Variants in ITGB4 observed in about 807,000 individuals in gnomAD.
ITGB4 encodes integrin subunit beta 4.
ITGB4 carries 159 observed loss-of-function variants against 207.6 expected under a neutral mutation model. The ratio of observed to expected loss-of-function variants is 0.77; its 90% CI spans 0.67 to 0.87. The LOEUF is 0.87. Among genes scored for constraint, ITGB4 ranks in the 40% least tolerant of loss-of-function variants. The pLI is 0.00. For synonymous variants in ITGB4, 1,020 were observed against 1,062.7 expected, an observed-to-expected ratio of 0.96 and a Z score of 0.78; for missense variants, 2,278 against 2,546.8, an observed-to-expected ratio of 0.89 and a Z score of 2.27.
Position 75,724,742 on chromosome 17 carries a change from C to G in ITGB4, c.39C>G (p.Leu13=). 1.2e-6 allele frequency: 2 copies of G among 1,613,778 alleles called. No individual in the cohort carries two copies. Among genetic ancestry groups the G allele is most frequent in the Non-Finnish European group, 1.7e-6 (2 of 1,180,010 alleles). Residue 13 remains leucine (L), a synonymous_variant, in exon 2 of 40, where the codon CTC becomes CTG. Coordinates refer to ENST00000200181, the MANE Select transcript of ITGB4 (RefSeq NM_000213.5). ...GCCCCAGCCCATGGGCCAGGCTGCTCCTGGCAGCCTTGATCAGCGTCAGCC... is the reference window on the plus strand; with the variant it reads ...GCCCCAGCCCATGGGCCAGGCTGCTGCTGGCAGCCTTGATCAGCGTCAGCC... ...GPRPSPWARL[L]LAALISVSLS...
At chr17:75,728,005 G>A in intron 5 of ITGB4, 150 bp downstream of exon 5, 2 of 750,886 alleles carry the variant, frequency 2.7e-6, no homozygotes, top group South Asian at 1.7e-5. Flanking sequence ...ATTCTCAAGG[G>A]AAGAATCTCG....
intron 32 of ITGB4, 34 bp downstream of exon 32, chr17:75,752,611 T>TG: frequency 6.2e-7 from 1 of 1,612,138 alleles, no homozygotes; most frequent in Middle Eastern, 1.7e-4. Context: ...AAGAGGACAG[T>TG]GGGGGTCTTG....
At position 75,757,668 on chromosome 17, in the gene ITGB4, G is replaced by A. The variant is rs2061553251; in HGVS notation, c.*113G>A. On this transcript the variant is annotated 3_prime_UTR_variant, in exon 40 of 40. Coordinates refer to ENST00000200181, the MANE Select transcript of ITGB4 (RefSeq NM_000213.5). ...CCCTGGGGGCCCAGCCCACCCGCAT[G>A]CACAGAGCAGGGGCTAGGTGTCTCC... is the stretch of plus-strand genomic sequence containing the variant. The A allele has an allele frequency of 2.1e-6, 3 of 1,433,216 alleles. No homozygotes were observed. Among genetic ancestry groups the A allele is most frequent in the Non-Finnish European group, 2.9e-6 (3 of 1,022,340 alleles). 88.8% of individuals were successfully genotyped at this position (1,433,216 alleles called of 1,614,324 possible). A position where few individuals can be genotyped will look rare whatever the true frequency, so the allele number is the denominator to read the frequency against.
intron 26 of ITGB4, among the ~76,000 whole-genome samples, chr17:75,745,406 A>G (rs9896283): frequency 0.096 from 14,638 of 151,904 alleles, 782 homozygotes; most frequent in Non-Finnish European, 0.11. Context: ...AAATAATAAT[A>G]ATTAATTTTT....
chr17:75,736,863 C>G (rs570647444), intron 16 of ITGB4, among the ~76,000 whole-genome samples, 169 bp downstream of exon 16: 1 of 151,890 alleles, frequency 6.6e-6, no homozygotes, highest in Non-Finnish European at 1.5e-5. Context: ...TAGAGGACAC[C>G]GAATCCCAGA....
chr17:75,740,232 G>A lies in ITGB4; in HGVS notation c.2447-126G>A. ...ATGGTGCTATGAACCTCATGCCTCG[G>A]TGTGCGTGGCCTGCTGGCCAGGCAT... On this transcript the variant is annotated intron_variant, in intron 20 of 39. Coordinates refer to ENST00000200181, the MANE Select transcript of ITGB4 (RefSeq NM_000213.5). This position sits in a 1 kb window ranked among gnomAD's most constrained non-coding sequence, Gnocchi z 5.9. The A allele has an allele frequency of 8.3e-7, 1 of 1,211,742 alleles. No individual in the cohort carries two copies. The highest frequency in any genetic ancestry group is 1.2e-6 in the Non-Finnish European group (1 of 847,228). 75.1% of individuals were successfully genotyped at this position (1,211,742 alleles called of 1,614,324 possible). A position where few individuals can be genotyped will look rare whatever the true frequency, so the allele number is the denominator to read the frequency against.
chr17:75,748,278 C>T (rs993032280), intron 26 of ITGB4, among the ~76,000 whole-genome samples: 2 of 151,154 alleles, frequency 1.3e-5, no homozygotes. Context: ...GGAAGGATGG[C>T]CTGAGCCCAG....
At chr17:75,752,124 G>A (rs1202103363) in intron 30 of ITGB4, 50 bp from the exon 31 acceptor site, 3 of 1,588,616 alleles carry the variant, frequency 1.9e-6, no homozygotes, top group Non-Finnish European at 8.6e-7. Context: ...GGTGGTGTTG[G>A]GACCAGGCTG....
At chr17:75,754,845 C>G (rs753021965) in intron 34 of ITGB4, 30 bp downstream of exon 34, 1 of 1,613,898 alleles carries the variant, frequency 6.2e-7, no homozygotes, top group Middle Eastern at 1.6e-4. Context: ...CCTGCCTCTC[C>G]CACTAACCCT....
Position 75,743,770 on chromosome 17 carries a change from T to A in ITGB4, c.3020T>A (p.Val1007Glu), listed in dbSNP as rs1470385717. 1.9e-6 allele frequency: 3 copies of A among 1,613,384 alleles called. No homozygotes were observed. Among genetic ancestry groups the A allele is most frequent in the Admixed American group, 1.7e-5 (1 of 60,004 alleles). ...PEFSVSRGDQ[V>E]ARIPVIRRVL... is the part of the protein sequence containing the mutation. ...TTCTCGGTCAGCCGCGGGGACCAGG[T>A]GGCCCGCATCCCTGTCATCCGGCGT... is the stretch of plus-strand genomic sequence containing the variant. Residue 1007 changes from valine (V) to glutamate (E), a missense_variant, in exon 26 of 40, where the codon GTG becomes GAG. Physicochemically the swap from Val to Glu is moderately radical, Grantham distance 121. Transcript: ENST00000200181.
At position 75,731,689 on chromosome 17, in the gene ITGB4, C is replaced by T; in HGVS notation, c.1216-123C>T. ...AGTTTCCAGCCCTGAGGGAGGTGAG[C>T]AGGAGCTCATTTCAGGGATCCAGAC... On this transcript the variant is annotated intron_variant, in intron 10 of 39. Transcript: ENST00000200181. The surrounding 1 kb of genome is among the most constrained non-coding windows in gnomAD (Gnocchi z 6.8). 9.2e-7 allele frequency: 1 copy of T among 1,086,978 alleles called. No homozygotes were observed. Among genetic ancestry groups the T allele is most frequent in the Non-Finnish European group, 1.3e-6 (1 of 775,722 alleles). The allele number at this position is 1,086,978 out of a possible 1,614,324, so 67.3% of individuals were successfully genotyped here.
Position 75,753,934 on chromosome 17 carries a change from C to T in ITGB4, c.4278C>T (p.Gly1426=). 7.8e-7 allele frequency: 1 copy of T among 1,282,056 alleles called. No individual in the cohort carries two copies. Among genetic ancestry groups the T allele is most frequent in the Non-Finnish European group, 9.8e-7 (1 of 1,020,702 alleles). 79.4% of individuals were successfully genotyped at this position (1,282,056 alleles called of 1,614,324 possible). A position where few individuals can be genotyped will look rare whatever the true frequency, so the allele number is the denominator to read the frequency against. Residue 1426 remains glycine, a synonymous_variant, in exon 33 of 40, where the codon GGC becomes GGT. Coordinates refer to ENST00000200181, the MANE Select transcript of ITGB4 (RefSeq NM_000213.5). ...ACGACGGCGGCGCGGGCGGGAAGGG[C>T]GGCAGCCTGCCCCGCAGTGCGACAC... ...PPDDGGAGGK[G]GSLPRSATPG...
At chr17:75,736,916 G>A (rs1288724077) in intron 16 of ITGB4, among the ~76,000 whole-genome samples, 2 of 152,074 alleles carry the variant, frequency 1.3e-5, no homozygotes, top group East Asian at 3.9e-4. Context: ...CCCAGGCGGT[G>A]GGACACAGTC....
chr17:75,748,961 C>T lies in ITGB4; in HGVS notation c.3232C>T (p.Arg1078Cys), dbSNP rs564989714. The change falls in exon 27 of 40, where the codon CGT becomes TGT. Residue 1078 changes from arginine to cysteine, a missense_variant. By Grantham distance (180) the Arg-to-Cys change is radical. Coordinates refer to ENST00000200181, the MANE Select transcript of ITGB4 (RefSeq NM_000213.5). Reference sequence around the variant, plus strand: ...CCTCCTGCGGGGCCGCCAGGTCCGCCGTTTCCACGTCCAGCTCAGCAACCC... The same window carrying T: ...CCTCCTGCGGGGCCGCCAGGTCCGCTGTTTCCACGTCCAGCTCAGCAACCC... ...DSLLRGRQVR[R>C]FHVQLSNPKF... The T allele has an allele frequency of 3.5e-5, 57 of 1,613,350 alleles. 1 individual carries two copies. Among genetic ancestry groups the T allele is most frequent in the South Asian group, 5.5e-5 (5 of 91,044 alleles).
At chr17:75,736,479 G>A in intron 15 of ITGB4, 86 bp from the exon 16 acceptor site, 1 of 1,607,850 alleles carries the variant, frequency 6.2e-7, no homozygotes, top group Non-Finnish European at 8.5e-7. Context: ...CACAGGAGCT[G>A]GCCAAGGGCA....
Position 75,722,730 on chromosome 17 carries a change from C to A in ITGB4, c.-11+1118C>A, listed in dbSNP as rs1035453914. Among the ~76,000 whole-genome samples, 8 of 147,890 alleles carry A rather than the reference C, an allele frequency of 5.4e-5. No individual in the cohort carries two copies. The highest frequency in any genetic ancestry group is 9.0e-5 in the Non-Finnish European group (6 of 66,954). ...GGTTGGGATGGGGGCCAGGGGAGCTCTGAGCCTGTGGGTGGGTGGGCATGG... is the reference window on the plus strand; with the variant it reads ...GGTTGGGATGGGGGCCAGGGGAGCTATGAGCCTGTGGGTGGGTGGGCATGG... On this transcript the variant is annotated intron_variant, in intron 1 of 39. Coordinates refer to ENST00000200181, the MANE Select transcript of ITGB4 (RefSeq NM_000213.5). The surrounding 1 kb of genome is among the most constrained non-coding windows in gnomAD (Gnocchi z 6.2).
At position 75,736,129 on chromosome 17, in the gene ITGB4, A is replaced by G; in HGVS notation, c.1736A>G (p.Asn579Ser). ...TGPSCDCPLS[N>S]ATCIDSNGGI... ...CCAAGCTGTGACTGTCCCCTCAGCA[A>G]TGCCACCTGCATCGACAGCAATGGG... Residue 579 changes from asparagine (N) to serine (S), a missense_variant, in exon 14 of 40, where the codon AAT (asparagine) becomes AGT (serine). Coordinates refer to ENST00000200181, the MANE Select transcript of ITGB4 (RefSeq NM_000213.5). 1 of 1,614,134 alleles carries G rather than the reference A, an allele frequency of 6.2e-7. No individual in the cohort carries two copies. The highest frequency in any genetic ancestry group is 8.5e-7 in the Non-Finnish European group (1 of 1,180,008).
At chr17:75,730,810 A>G in intron 8 of ITGB4, 65 bp from the exon 9 acceptor site, 1 of 1,412,084 alleles carries the variant, frequency 7.1e-7, no homozygotes, top group Non-Finnish European at 9.9e-7. Flanking sequence ...CAAAGTGGGA[A>G]GAATCCTAGA....
chr17:75,737,479 T>TGTGGCCAGAGCTCG (rs767782604), intron 17 of ITGB4, 35 bp downstream of exon 17: 2 of 1,553,394 alleles, frequency 1.3e-6, no homozygotes, highest in Admixed American at 3.9e-5. Flanking sequence ...GGAGGGGGCG[T>TGTGGCCAGAGCTCG]GTGGCCAGAG....
Sources: gnomAD v4.1 joint callset for allele counts (sites outside exome capture counted in the v4.1 genomes callset) on GRCh38, gnomAD v4.1.1 for gene constraint, Gnocchi (gnomAD v3.1) non-coding constraint, MANE v1.5 for transcripts, NCBI Gene and HGNC (gene_info 2026-07-23, HGNC 2026-07-21) for gene names.